Variants in CCDC85C observed in about 807,000 individuals in gnomAD.
CCDC85C encodes coiled-coil domain-containing protein 85C.
A neutral mutation model predicts 38.3 loss-of-function variants in CCDC85C; 18 were observed. The observed-to-expected ratio is 0.47, with a 90% CI of 0.33 to 0.70. The LOEUF (loss-of-function observed/expected upper bound fraction) is 0.70. CCDC85C is among the 30% of genes least tolerant of loss of function. The probability of loss-of-function intolerance (pLI) is 0.03; values close to 1 mark genes in which losing one functional copy is unlikely to be tolerated. For missense variants in CCDC85C, 566 were observed against 621.2 expected, an observed-to-expected ratio of 0.91 and a Z score of 0.94; for synonymous variants, 264 against 293.8, an observed-to-expected ratio of 0.90 and a Z score of 1.04.
At chr14:99,560,736 G>T (rs1274392387) in intron 1 of CCDC85C, among the ~76,000 whole-genome samples, 1 of 152,236 alleles carries the variant, frequency 6.6e-6, no homozygotes, top group African/African-American at 2.4e-5. Context: ...TTGAGGGCAG[G>T]GAAACAGGTG....
At chr14:99,565,037 G>A (rs565995416) in intron 1 of CCDC85C, among the ~76,000 whole-genome samples, 93 of 152,280 alleles carry the variant, frequency 6.1e-4, no homozygotes, top group African/African-American at 2.0e-3. Context: ...CCGGCAGCCC[G>A]CGGCCTCTGA....
At chr14:99,598,353 C>T (rs2055165340) in intron 1 of CCDC85C, among the ~76,000 whole-genome samples, 1 of 152,258 alleles carries the variant, frequency 6.6e-6, no homozygotes, top group South Asian at 2.1e-4. Context: ...GGAGCAACCA[C>T]TGATTTCCTT....
At chr14:99,596,882 G>T (rs1295357304) in intron 1 of CCDC85C, among the ~76,000 whole-genome samples, 1 of 152,180 alleles carries the variant, frequency 6.6e-6, no homozygotes, top group African/African-American at 2.4e-5. Context: ...TCAGCGCTGG[G>T]GATGGAGGGC....
intron 3 of CCDC85C, among the ~76,000 whole-genome samples, chr14:99,517,784 G>A (rs1024183071): frequency 4.6e-5 from 7 of 152,146 alleles, no homozygotes; most frequent in African/African-American, 1.7e-4. Flanking sequence ...CTACCCAGGG[G>A]CAGGCAGTCC....
In CCDC85C at chr14:99,503,961, C is replaced by T. The variant is rs1415973378; in HGVS notation, c.*11285G>A. 1.4e-5 allele frequency: 5 copies of T among 368,586 alleles called. No individual in the cohort carries two copies. The highest frequency in any genetic ancestry group is 2.6e-5 in the Non-Finnish European group (5 of 195,906). The allele number at this position is 368,586 out of a possible 1,614,324, so 22.8% of individuals were successfully genotyped here. ...ATTTTTAGAGACTATTTACCCCCAT[C>T]ACAGCAGCAGGAGTCCTCTCCCAAG... On this transcript the variant is annotated 3_prime_UTR_variant, in exon 6 of 6. Coordinates refer to ENST00000380243, the MANE Select transcript of CCDC85C (RefSeq NM_001144995.2).
At chr14:99,591,948 G>A (rs1042410687) in intron 1 of CCDC85C, among the ~76,000 whole-genome samples, 1 of 152,066 alleles carries the variant, frequency 6.6e-6, no homozygotes, top group Non-Finnish European at 1.5e-5. Flanking sequence ...TGGCCAGGCT[G>A]GTCTCGAACT....
At position 99,503,066 on chromosome 14, in the gene CCDC85C, G is replaced by C. The variant is rs777490086; in HGVS notation, c.*12180C>G. On this transcript the variant is annotated 3_prime_UTR_variant, in exon 6 of 6. Coordinates refer to ENST00000380243, the MANE Select transcript of CCDC85C (RefSeq NM_001144995.2). ...CTGAGCACTGTTCCCATTTCTAAGCGAGCACAGGGAACACCGGAAGCAGGG... is the reference window on the plus strand; with the variant it reads ...CTGAGCACTGTTCCCATTTCTAAGCCAGCACAGGGAACACCGGAAGCAGGG... The C allele has an allele frequency of 6.9e-7, 1 of 1,454,054 alleles. No individual in the cohort carries two copies. The highest frequency in any genetic ancestry group is 2.3e-5 in the East Asian group (1 of 44,124). The allele number at this position is 1,454,054 out of a possible 1,614,324, so 90.1% of individuals were successfully genotyped here.
Position 99,603,859 on chromosome 14 carries a change from C to T in CCDC85C, c.101G>A (p.Arg34Gln). The change falls in exon 1 of 6, where the codon CGG (arginine) becomes CAG (glutamine). Residue 34 changes from arginine to glutamine, a missense_variant. This residue lies in a region of CCDC85C where 269 missense variants were observed against 308.2 expected (regional missense o/e 0.87). Transcript: ENST00000380243. The surrounding 1 kb of genome is among the most constrained non-coding windows in gnomAD (Gnocchi z 7.5). Reference sequence around the variant, plus strand: ...CTTCTCGCCCTCGGCGCGCCGCAGCCGCCGCGCCAGCTCCTCCTTGCTCCA... The same window carrying T: ...CTTCTCGCCCTCGGCGCGCCGCAGCTGCCGCGCCAGCTCCTCCTTGCTCCA... Reference protein sequence around the residue: ...LRWSKEELARRLRRAEGEKVG... With the variant: ...LRWSKEELARQLRRAEGEKVG... 6.6e-7 allele frequency: 1 copy of T among 1,515,752 alleles called. No homozygotes were observed. Among genetic ancestry groups the T allele is most frequent in the Non-Finnish European group, 8.8e-7 (1 of 1,138,194 alleles). 93.9% of individuals were successfully genotyped at this position (1,515,752 alleles called of 1,614,324 possible). A position where few individuals can be genotyped will look rare whatever the true frequency, so the allele number is the denominator to read the frequency against.
chr14:99,540,990 C>A (rs544478006), intron 1 of CCDC85C, among the ~76,000 whole-genome samples: 5 of 152,286 alleles, frequency 3.3e-5, no homozygotes, highest in Admixed American at 1.3e-4. Flanking sequence ...GGTATTCCCC[C>A]TCCTGGCCTG....
At chr14:99,526,872 T>C (rs1235198283) in intron 2 of CCDC85C, among the ~76,000 whole-genome samples, 3 of 151,314 alleles carry the variant, frequency 2.0e-5, no homozygotes, top group Non-Finnish European at 4.4e-5. Context: ...GGGAGACCAT[T>C]CTCCCACCAG....
chr14:99,564,779 G>A (rs1056865326), intron 1 of CCDC85C, among the ~76,000 whole-genome samples: 3 of 152,188 alleles, frequency 2.0e-5, no homozygotes, highest in African/African-American at 4.8e-5. Context: ...CTTGGCAACC[G>A]TCCAAATTAA....
At position 99,603,119 on chromosome 14, in the gene CCDC85C, G is replaced by C; in HGVS notation, c.793+48C>G. ...CTCCTCTCGCCGCAGCCTGGGAAAA[G>C]GGCTGCAGCCAGGGAGACCCGCGCT... On this transcript the variant is annotated intron_variant, in intron 1 of 5. Coordinates refer to ENST00000380243, the MANE Select transcript of CCDC85C (RefSeq NM_001144995.2). This position sits in a 1 kb window ranked among gnomAD's most constrained non-coding sequence, Gnocchi z 7.5. The C allele has an allele frequency of 7.8e-7, 1 of 1,286,354 alleles. No individual in the cohort carries two copies. Among genetic ancestry groups the C allele is most frequent in the African/African-American group, 1.5e-5 (1 of 64,772 alleles). 79.7% of individuals were successfully genotyped at this position (1,286,354 alleles called of 1,614,324 possible).
intron 1 of CCDC85C, among the ~76,000 whole-genome samples, chr14:99,582,282 G>A (rs983005019): frequency 2.6e-5 from 4 of 152,100 alleles, no homozygotes; most frequent in Non-Finnish European, 2.9e-5. Flanking sequence ...CCAGGGTGAC[G>A]TCCACACCAC....
Position 99,503,463 on chromosome 14 carries a change from G to A in CCDC85C, c.*11783C>T. The A allele has an allele frequency of 1.5e-6, 1 of 647,010 alleles. No homozygotes were observed. The highest frequency in any genetic ancestry group is 1.9e-5 in the South Asian group (1 of 52,122). 40.1% of individuals were successfully genotyped at this position (647,010 alleles called of 1,614,324 possible). A position where few individuals can be genotyped will look rare whatever the true frequency, so the allele number is the denominator to read the frequency against. The stretch of plus-strand genomic sequence containing the variant: ...GATGATCTGGTAGGTGCCGTGGTTT[G>A]CCCTGAAAGTTCAGGCTAGAAATAA... On this transcript the variant is annotated 3_prime_UTR_variant, in exon 6 of 6. Coordinates refer to ENST00000380243, the MANE Select transcript of CCDC85C (RefSeq NM_001144995.2).
intron 1 of CCDC85C, among the ~76,000 whole-genome samples, chr14:99,561,218 C>T (rs1421676873): frequency 6.6e-6 from 1 of 152,220 alleles, no homozygotes; most frequent in East Asian, 1.9e-4. Flanking sequence ...AGGAGGAAAA[C>T]TCTGAAAGGT....
In CCDC85C at chr14:99,516,077, G is replaced by A. The variant is rs767439415; in HGVS notation, c.1170+111C>T. Reference sequence around the variant, plus strand: ...AGCTATCCAAGGTCACCCAGCCTTCGCTGAGCATTCGAGAAATGGAGTCCC... The same window carrying A: ...AGCTATCCAAGGTCACCCAGCCTTCACTGAGCATTCGAGAAATGGAGTCCC... On this transcript the variant is annotated intron_variant, in intron 5 of 5. Transcript: ENST00000380243. The surrounding 1 kb of genome is among the most constrained non-coding windows in gnomAD (Gnocchi z 5.5). The A allele has an allele frequency of 2.0e-4, 170 of 867,018 alleles. No individual in the cohort carries two copies. Among genetic ancestry groups the A allele is most frequent in the Non-Finnish European group, 2.8e-4 (152 of 541,356 alleles). 53.7% of individuals were successfully genotyped at this position (867,018 alleles called of 1,614,324 possible).
intron 2 of CCDC85C, among the ~76,000 whole-genome samples, chr14:99,524,475 G>A (rs192297504): frequency 1.1e-3 from 160 of 152,280 alleles, no homozygotes; most frequent in African/African-American, 3.5e-3. Context: ...GTGCGTGAGC[G>A]TGAGGGAGGT....
Position 99,572,856 on chromosome 14 carries a change from A to T in CCDC85C, c.793+30311T>A. 2.2e-6 allele frequency: 1 copy of T among 455,962 alleles called. No homozygotes were observed. Among genetic ancestry groups the T allele is most frequent in the Admixed American group, 2.3e-5 (1 of 42,574 alleles). 28.2% of individuals were successfully genotyped at this position (455,962 alleles called of 1,614,324 possible). On this transcript the variant is annotated intron_variant, in intron 1 of 5. Coordinates refer to ENST00000380243, the MANE Select transcript of CCDC85C (RefSeq NM_001144995.2). The surrounding 1 kb of genome is among the most constrained non-coding windows in gnomAD (Gnocchi z 4.4). ...GCCTGGTGTGCAACAGGTGCTCAGT[A>T]AACGGCTAAGGAAGGAATGTCTGCC...
chr14:99,603,892 A>G lies in CCDC85C; in HGVS notation c.68T>C (p.Leu23Pro). 6.7e-7 allele frequency: 1 copy of G among 1,495,528 alleles called. No individual in the cohort carries two copies. Among genetic ancestry groups the G allele is most frequent in the Non-Finnish European group, 8.9e-7 (1 of 1,128,028 alleles). The allele number at this position is 1,495,528 out of a possible 1,614,324, so 92.6% of individuals were successfully genotyped here. A position where few individuals can be genotyped will look rare whatever the true frequency, so the allele number is the denominator to read the frequency against. ...CAGCTCCTCCTTGCTCCAGCGCAGC[A>G]GCTCCTCGTCCGGCACCTGGCTCAG... ...EELSQVPDEELLRWSKEELAR... is the reference protein window; with the variant it reads ...EELSQVPDEEPLRWSKEELAR... Residue 23 changes from leucine to proline, a missense_variant, in exon 1 of 6, where the codon CTG (leucine) becomes CCG (proline). Physicochemically the swap from Leu to Pro is moderately conservative, Grantham distance 98. Transcript: ENST00000380243. The surrounding 1 kb of genome is among the most constrained non-coding windows in gnomAD (Gnocchi z 7.5).
Sources: gnomAD v4.1 joint callset for allele counts (sites outside exome capture counted in the v4.1 genomes callset) on GRCh38, gnomAD v4.1.1 for gene constraint, gnomAD v4.1.1 regional missense constraint, Gnocchi (gnomAD v3.1) non-coding constraint, MANE v1.5 for transcripts, NCBI Gene and HGNC (gene_info 2026-07-23, HGNC 2026-07-21) for gene names.